FAM184B: variants seen among roughly 807,000 people sequenced by gnomAD.
FAM184B encodes the protein protein FAM184B.
A neutral mutation model predicts 135.9 loss-of-function variants in FAM184B; 111 were observed. The ratio of observed to expected loss-of-function variants is 0.82; its 90% CI spans 0.70 to 0.96. The LOEUF is 0.96. Among genes scored for constraint, FAM184B ranks in the 40% least tolerant of loss-of-function variants. FAM184B has a pLI of 0.00. For synonymous variants in FAM184B, 552 were observed against 524.8 expected (o/e 1.05, Z -0.71); for missense variants, 1,375 against 1,323.9 (o/e 1.04, Z -0.60).
At chr4:17,647,402 C>T (rs1378685597) in intron 12 of FAM184B, among the ~76,000 whole-genome samples, 2 of 152,086 alleles carry the variant, frequency 1.3e-5, no homozygotes, top group Admixed American at 1.3e-4. Context: ...CATATGCCAC[C>T]ACGCCCAGCT....
intron 9 of FAM184B, among the ~76,000 whole-genome samples, chr4:17,659,372 G>A (rs1461705334): frequency 6.6e-6 from 1 of 151,836 alleles, no homozygotes; most frequent in Admixed American, 6.6e-5. Flanking sequence ...CTCCCAGAGT[G>A]CTGGGATTAC....
intron 1 of FAM184B, among the ~76,000 whole-genome samples, chr4:17,748,695 C>G (rs1718231617): frequency 6.6e-6 from 1 of 151,520 alleles, no homozygotes; most frequent in African/African-American, 2.4e-5. Context: ...TCTTTAATTT[C>G]TTGTAGACAC....
Position 17,709,115 on chromosome 4 carries a change from G to A in FAM184B, c.671C>T (p.Thr224Ile), listed in dbSNP as rs772982351. 19 of 1,549,210 alleles carry A rather than the reference G, an allele frequency of 1.2e-5. No individual in the cohort carries two copies. In the South Asian group the frequency reaches 2.3e-4, roughly 18 times the overall value. ...YARKAEELQA[T>I]YERENEAIRQ... ...GATGGCCTCGTTTTCCCTCTCGTAG[G>A]TGGCCTGCAGCTCCTCGGCCTTGCG... The change falls in exon 2 of 18, where the codon ACC becomes ATC. Residue 224 changes from threonine (T) to isoleucine (I), a missense_variant. Coordinates refer to ENST00000265018, the MANE Select transcript of FAM184B (RefSeq NM_015688.2).
chr4:17,650,904 T>C (rs1052604657), intron 11 of FAM184B, among the ~76,000 whole-genome samples: 1 of 151,414 alleles, frequency 6.6e-6, no homozygotes, highest in African/African-American at 2.4e-5. Flanking sequence ...TTTTCCTAAT[T>C]TTTTTTTTTA....
intron 5 of FAM184B, 71 bp from the exon 6 acceptor site, chr4:17,693,483 C>T: frequency 8.3e-7 from 1 of 1,201,900 alleles, no homozygotes; most frequent in Non-Finnish European, 1.2e-6. Context: ...CACACCCTGC[C>T]TTATTCCCAG....
chr4:17,633,540 T>G (rs1715028366), intron 17 of FAM184B, 149 bp downstream of exon 17: 1 of 705,808 alleles, frequency 1.4e-6, no homozygotes, highest in Non-Finnish European at 2.2e-6. Context: ...ATGCTGAAGT[T>G]TTCAGGTAAG....
chr4:17,641,998 G>A, intron 13 of FAM184B, 58 bp downstream of exon 13: 2 of 1,475,228 alleles, frequency 1.4e-6, no homozygotes. Context: ...AGGGGGAGGG[G>A]GGGTGGCGGG....
intron 1 of FAM184B, among the ~76,000 whole-genome samples, chr4:17,730,181 T>G (rs1161328845): frequency 6.6e-6 from 1 of 151,774 alleles, no homozygotes; most frequent in East Asian, 1.9e-4. Flanking sequence ...GAAGACGAAA[T>G]GAATGAAATG....
intron 6 of FAM184B, among the ~76,000 whole-genome samples, chr4:17,691,484 G>A (rs866126501): frequency 6.6e-6 from 1 of 152,018 alleles, no homozygotes; most frequent in Non-Finnish European, 1.5e-5. Flanking sequence ...TCAGGAGTTC[G>A]CGACCAGCCT....
At chr4:17,731,027 A>C (rs1311464704) in intron 1 of FAM184B, among the ~76,000 whole-genome samples, 1 of 152,074 alleles carries the variant, frequency 6.6e-6, no homozygotes, top group African/African-American at 2.4e-5. Flanking sequence ...CGCGAAGGGA[A>C]GTTTAGAGAA....
chr4:17,688,680 CTTTTTT>C lies in FAM184B; in HGVS notation c.1489-155_1489-150del, dbSNP rs34337003. 88 of 117,924 alleles carry C rather than the reference CTTTTTT, an allele frequency of 7.5e-4. No individual in the cohort carries two copies. In the South Asian group the frequency reaches 7.8e-3, roughly 11 times the overall value. The allele number at this position is 117,924 out of a possible 1,614,324, so 7.3% of individuals were successfully genotyped here. ...ATTCTACACACACTTCTAGAAATGC[CTTTTTT>C]TTTTTTTTTTTTTTTTTTTTTCTGA... On this transcript the variant is annotated intron_variant, in intron 6 of 17. Transcript: ENST00000265018.
At chr4:17,707,547 C>A (rs1346207733) in intron 3 of FAM184B, 102 bp downstream of exon 3, 4 of 1,455,660 alleles carry the variant, frequency 2.7e-6, no homozygotes, top group Non-Finnish European at 3.7e-6. Flanking sequence ...CAGCCCTGCC[C>A]CTCCTCTCTG....
chr4:17,672,071 A>G (rs1716180520), intron 7 of FAM184B, among the ~76,000 whole-genome samples: 1 of 152,164 alleles, frequency 6.6e-6, no homozygotes. Context: ...TACATCAGAT[A>G]AGATGAACCC....
intron 1 of FAM184B, among the ~76,000 whole-genome samples, chr4:17,764,835 C>G (rs1718623174): frequency 6.6e-6 from 1 of 152,186 alleles, no homozygotes; most frequent in South Asian, 2.1e-4. Flanking sequence ...GAGGCCAAGG[C>G]AGGAGGATCA....
intron 14 of FAM184B, among the ~76,000 whole-genome samples, chr4:17,639,048 G>C (rs1268486935): frequency 6.6e-6 from 1 of 152,016 alleles, no homozygotes; most frequent in Non-Finnish European, 1.5e-5. Flanking sequence ...TGGCCAGGCT[G>C]GTCTCCATCT....
chr4:17,774,797 A>G (rs1426007615), intron 1 of FAM184B, among the ~76,000 whole-genome samples: 1 of 152,206 alleles, frequency 6.6e-6, no homozygotes, highest in Non-Finnish European at 1.5e-5. Flanking sequence ...AAAGAACAGT[A>G]CAAAGAACAT....
intron 7 of FAM184B, among the ~76,000 whole-genome samples, chr4:17,682,896 C>T (rs1716481929): frequency 6.6e-6 from 1 of 152,162 alleles, no homozygotes; most frequent in Admixed American, 6.6e-5. Context: ...TTTTATAGCC[C>T]CAATCCAGCA....
chr4:17,640,796 GCT>G (rs1320409982), intron 13 of FAM184B, among the ~76,000 whole-genome samples: 1 of 152,168 alleles, frequency 6.6e-6, no homozygotes, highest in Non-Finnish European at 1.5e-5. Flanking sequence ...AGGAAGAAAG[GCT>G]CTGAGTTCAG....
In FAM184B at chr4:17,728,630, G is replaced by GTGC. The variant is rs112392721; in HGVS notation, c.142-18989_142-18987dup. 3.1e-4 allele frequency among the ~76,000 whole-genome samples: 47 copies of GTGC among 152,272 alleles called. 2 individuals carry two copies. The highest frequency in any genetic ancestry group is 1.1e-3 in the African/African-American group (45 of 41,564). ...AACTAAGGGGCAGTAGGAAGGAAGA[G>GTGC]TGCTGCGGAAATTGAGCCCAGGTGT... On this transcript the variant is annotated intron_variant, in intron 1 of 17. Coordinates refer to ENST00000265018, the MANE Select transcript of FAM184B (RefSeq NM_015688.2).
Sources: gnomAD v4.1 joint callset for allele counts (sites outside exome capture counted in the v4.1 genomes callset) on GRCh38, gnomAD v4.1.1 for gene constraint, MANE v1.5 for transcripts, NCBI Gene and HGNC (gene_info 2026-07-23, HGNC 2026-07-21) for gene names.